The following SESN1 variants were observed in gnomAD, a reference collection of about 807,000 sequenced individuals.
The protein encoded by SESN1 is sestrin 1, also known as sestrin-1.
In SESN1, 30 loss-of-function variants were observed where a neutral mutation model predicts 59.3. The ratio of observed to expected loss-of-function variants is 0.51; its 90% CI spans 0.38 to 0.69. The LOEUF (loss-of-function observed/expected upper bound fraction) is 0.69. Ranked by LOEUF, SESN1 falls within the 30% of genes least tolerant of loss-of-function variation. The probability of loss-of-function intolerance (pLI) is 0.00; values close to 1 mark genes in which losing one functional copy is unlikely to be tolerated. For missense variants in SESN1, 566 were observed against 673.0 expected, an observed-to-expected ratio of 0.84 and a Z score of 1.76; for synonymous variants, 197 against 219.9, an observed-to-expected ratio of 0.90 and a Z score of 0.92.
At chr6:109,063,966 G>A (rs755192730) in intron 1 of SESN1, among the ~76,000 whole-genome samples, 3 of 150,912 alleles carry the variant, frequency 2.0e-5, no homozygotes. Flanking sequence ...CCAACTTGTA[G>A]CCTTTTACTT....
intron 1 of SESN1, among the ~76,000 whole-genome samples, chr6:109,052,708 T>C (rs1184825750): frequency 6.6e-6 from 1 of 152,248 alleles, no homozygotes; most frequent in Admixed American, 6.5e-5. Flanking sequence ...GTCATTGATA[T>C]TGAATTTGTG....
At chr6:109,031,505 A>T (rs970838731) in intron 1 of SESN1, among the ~76,000 whole-genome samples, 1 of 152,080 alleles carries the variant, frequency 6.6e-6, no homozygotes, top group African/African-American at 2.4e-5. Context: ...TTTCCCCTCT[A>T]ATCATGGCCC....
intron 1 of SESN1, among the ~76,000 whole-genome samples, chr6:109,003,866 G>A (rs1342624591): frequency 6.6e-6 from 1 of 151,956 alleles, no homozygotes; most frequent in East Asian, 1.9e-4. Flanking sequence ...AATACCTATT[G>A]GACAAAACTA....
intron 1 of SESN1, chr6:109,059,557 C>T (rs1331150619): frequency 6.6e-6 from 1 of 152,026 alleles, no homozygotes; most frequent in African/African-American, 2.4e-5. Context: ...TGTGCAGGGG[C>T]ATGCTAATTT....
chr6:108,989,105 C>T (rs1166870328), intron 8 of SESN1, among the ~76,000 whole-genome samples: 3 of 152,058 alleles, frequency 2.0e-5, no homozygotes, highest in African/African-American at 4.8e-5. Context: ...TGGGTTCAAG[C>T]GATTCTCTCA....
chr6:109,046,754 G>A (rs1780448098), intron 1 of SESN1, among the ~76,000 whole-genome samples: 1 of 137,130 alleles, frequency 7.3e-6, no homozygotes, highest in South Asian at 2.7e-4. Context: ...GGGTTGTGAG[G>A]AGTGCCTCTG....
At chr6:109,012,399 A>T (rs1474447616) in intron 1 of SESN1, among the ~76,000 whole-genome samples, 1 of 152,172 alleles carries the variant, frequency 6.6e-6, no homozygotes, top group Non-Finnish European at 1.5e-5. Context: ...TGGTCAACTT[A>T]CTCAACTGTA....
At chr6:109,021,281 C>T (rs1193966474) in intron 1 of SESN1, among the ~76,000 whole-genome samples, 2 of 152,118 alleles carry the variant, frequency 1.3e-5, no homozygotes, top group African/African-American at 2.4e-5. Context: ...CCTTGCCGAG[C>T]CCACCATGTA....
chr6:108,997,423 C>G (rs758890694), intron 5 of SESN1, among the ~76,000 whole-genome samples: 2 of 152,154 alleles, frequency 1.3e-5, no homozygotes, highest in Non-Finnish European at 2.9e-5. Context: ...TAACATGAAT[C>G]TAGGCAGCTC....
chr6:109,022,275 T>A (rs1271164722), intron 1 of SESN1, among the ~76,000 whole-genome samples: 1 of 152,142 alleles, frequency 6.6e-6, no homozygotes, highest in African/African-American at 2.4e-5. Flanking sequence ...TGCCAATTGA[T>A]GGACAGCTTT....
At chr6:109,021,876 T>C (rs1780016862) in intron 1 of SESN1, among the ~76,000 whole-genome samples, 1 of 152,220 alleles carries the variant, frequency 6.6e-6, no homozygotes, top group East Asian at 1.9e-4. Context: ...TTTTAAACCC[T>C]AATAATTCAG....
chr6:109,082,645 G>C (rs903745009), intron 1 of SESN1, among the ~76,000 whole-genome samples: 1 of 152,192 alleles, frequency 6.6e-6, no homozygotes, highest in Non-Finnish European at 1.5e-5. Context: ...AATGATGCTG[G>C]ACTCCAATGA....
intron 9 of SESN1, chr6:108,988,245 A>G (rs1461003677): frequency 4.4e-6 from 1 of 226,582 alleles, no homozygotes; most frequent in African/African-American, 2.3e-5. Flanking sequence ...AAGATGTTTC[A>G]AAGAGAACAG....
chr6:109,009,225 T>C lies in SESN1; in HGVS notation c.280-6882A>G, dbSNP rs925366975. On this transcript the variant is annotated intron_variant, in intron 1 of 9. Coordinates refer to ENST00000436639, the MANE Select transcript of SESN1 (RefSeq NM_014454.3). Reference sequence around the variant, plus strand: ...CTGCTCCCCGGGAGCCCGCCCTATCTGGGGAGCGTTTTCGGATGCTGACCG... The same window carrying C: ...CTGCTCCCCGGGAGCCCGCCCTATCCGGGGAGCGTTTTCGGATGCTGACCG... 5.6e-6 allele frequency: 5 copies of C among 896,020 alleles called. No homozygotes were observed. In the Admixed American group the frequency reaches 2.2e-4, roughly 39 times the overall value. The allele number at this position is 896,020 out of a possible 1,614,324, so 55.5% of individuals were successfully genotyped here.
chr6:109,062,588 T>A (rs1459531954), intron 1 of SESN1, among the ~76,000 whole-genome samples: 1 of 152,190 alleles, frequency 6.6e-6, no homozygotes, highest in Non-Finnish European at 1.5e-5. Flanking sequence ...TATAAAAATT[T>A]TAAGATGGTG....
chr6:109,034,504 C>T (rs774089286), intron 1 of SESN1, among the ~76,000 whole-genome samples: 2 of 152,078 alleles, frequency 1.3e-5, no homozygotes, highest in Non-Finnish European at 2.9e-5. Context: ...TGATCAGCAT[C>T]GTAGAAATGT....
chr6:109,041,476 C>T (rs1413638989), intron 1 of SESN1, among the ~76,000 whole-genome samples: 1 of 151,868 alleles, frequency 6.6e-6, no homozygotes, highest in East Asian at 1.9e-4. Flanking sequence ...ATTTTGAGGA[C>T]AATGAAAAAG....
intron 1 of SESN1, among the ~76,000 whole-genome samples, chr6:109,085,977 CACTG>C (rs1315983735): frequency 1.3e-5 from 2 of 152,318 alleles, no homozygotes; most frequent in African/African-American, 4.8e-5. Context: ...ACAACATAAA[CACTG>C]ACTATTTTTA....
Position 108,987,373 on chromosome 6 carries a change from T to G in SESN1, c.*171A>C. 3.9e-6 allele frequency: 2 copies of G among 518,840 alleles called. No individual in the cohort carries two copies. The highest frequency in any genetic ancestry group is 3.1e-5 in the South Asian group (1 of 32,372). 32.1% of individuals were successfully genotyped at this position (518,840 alleles called of 1,614,324 possible). On this transcript the variant is annotated 3_prime_UTR_variant, in exon 10 of 10. Transcript: ENST00000436639. ...AAACTTGAAGCTGCCAAACAGTCACTGCTTGTGCCAGCAGTGGTTTTCCAC... is the reference window on the plus strand; with the variant it reads ...AAACTTGAAGCTGCCAAACAGTCACGGCTTGTGCCAGCAGTGGTTTTCCAC...
Sources: allele counts gnomAD v4.1 joint callset (sites outside exome capture counted in the v4.1 genomes callset), GRCh38; gene constraint gnomAD v4.1.1; transcripts MANE v1.5; gene names NCBI Gene and HGNC (gene_info 2026-07-23, HGNC 2026-07-21).